The following CSN2 variants were observed in gnomAD, a reference collection of about 807,000 sequenced individuals.
CSN2 encodes the protein beta-casein.
CSN2 carries 27 observed loss-of-function variants against 27.3 expected under a neutral mutation model. The observed-to-expected ratio is 0.99, with a 90% confidence interval of 0.73 to 1.36. The LOEUF (loss-of-function observed/expected upper bound fraction) is 1.36, where lower values mean the gene tolerates loss of function less well. CSN2 is among the 40% of genes most tolerant of loss of function. CSN2 has a pLI of 0.00. For missense variants in CSN2, 333 were observed against 264.5 expected (o/e 1.26, Z -1.80); for synonymous variants, 131 against 94.8 (o/e 1.38, Z -2.22).
intron 3 of CSN2, 144 bp downstream of exon 3, chr4:69,959,909 G>A: frequency 1.7e-6 from 1 of 599,484 alleles, no homozygotes; most frequent in Non-Finnish European, 2.9e-6. Flanking sequence ...GATACTTATT[G>A]TCCTTAAACA....
chr4:69,956,249 A>T, intron 7 of CSN2, 65 bp downstream of exon 7: 1 of 1,136,108 alleles, frequency 8.8e-7, no homozygotes, highest in Non-Finnish European at 1.2e-6. Context: ...CTCTAGGAGA[A>T]TTAAATGTAA....
At chr4:69,961,383 C>T (rs2109746501) in intron 1 of CSN2, among the ~76,000 whole-genome samples, 2 of 152,204 alleles carry the variant, frequency 1.3e-5, no homozygotes, top group South Asian at 4.1e-4. Flanking sequence ...GCTTATCCAC[C>T]ATGATCAAGT....
At chr4:69,960,494 A>G (rs1310060651) in intron 2 of CSN2, among the ~76,000 whole-genome samples, 1 of 151,084 alleles carries the variant, frequency 6.6e-6, no homozygotes, top group Non-Finnish European at 1.5e-5. Flanking sequence ...TTATTAATAT[A>G]TTTATGATCA....
chr4:69,965,408 CTATATATATATATATATATA>C (rs756206077), intron 1 of CSN2, among the ~76,000 whole-genome samples: 48 of 88,104 alleles, frequency 5.4e-4, no homozygotes, highest in Non-Finnish European at 7.5e-4. Flanking sequence ...TAGCCTCATA[CTATATATATATATATATATA>C]TATATATATA....
intron 1 of CSN2, among the ~76,000 whole-genome samples, chr4:69,963,731 TATA>T (rs1723694693): frequency 6.6e-6 from 1 of 152,036 alleles, no homozygotes; most frequent in Non-Finnish European, 1.5e-5. Context: ...AAACTTAAAG[TATA>T]ATAATAATAA....
rs2109743686 is a variant in CSN2 at position 69,959,054 on chromosome 4, A to G, written c.94T>C (p.Tyr32His). 7.1e-7 allele frequency: 1 copy of G among 1,404,584 alleles called. No individual in the cohort carries two copies. Among genetic ancestry groups the G allele is most frequent in the African/African-American group, 1.4e-5 (1 of 69,166 alleles). 87.0% of individuals were successfully genotyped at this position (1,404,584 alleles called of 1,614,324 possible). ...LSSSEESITE[Y>H]KQKVEKVKHE... The stretch of plus-strand genomic sequence containing the variant: ...TTTTAAATGTGAAAATTTACCTTGT[A>G]TTCTGTAATAGATTCCTACAGAAAA... Residue 32 changes from tyrosine to histidine, a missense_variant, in exon 4 of 8, where the codon TAC becomes CAC. Physicochemically the swap from Tyr to His is moderately conservative, Grantham distance 83. Coordinates refer to ENST00000353151, the MANE Select transcript of CSN2 (RefSeq NM_001891.4).
chr4:69,963,634 T>C (rs1268095506), intron 1 of CSN2, among the ~76,000 whole-genome samples: 1 of 151,918 alleles, frequency 6.6e-6, no homozygotes, highest in Non-Finnish European at 1.5e-5. Flanking sequence ...ATACCTAATG[T>C]TAAATGACGT....
At chr4:69,962,875 C>A (rs186123891) in intron 1 of CSN2, among the ~76,000 whole-genome samples, 12,555 of 151,692 alleles carry the variant, frequency 0.083, 709 homozygotes, top group East Asian at 0.16. Context: ...CAATGAACTC[C>A]AACAAATTTA....
At chr4:69,964,297 T>C (rs1292466884) in intron 1 of CSN2, among the ~76,000 whole-genome samples, 3 of 152,152 alleles carry the variant, frequency 2.0e-5, no homozygotes, top group Non-Finnish European at 2.9e-5. Flanking sequence ...GTGAAATATA[T>C]GTTAATATTT....
At chr4:69,958,695 G>A (rs1578143901) in intron 5 of CSN2, among the ~76,000 whole-genome samples, 1 of 151,940 alleles carries the variant, frequency 6.6e-6, no homozygotes, top group Admixed American at 6.6e-5. Flanking sequence ...TATGTATTTA[G>A]TCTGTATTCT....
chr4:69,956,544 A>T (rs1361049906), intron 6 of CSN2, among the ~76,000 whole-genome samples, 189 bp from the exon 7 acceptor site: 1 of 152,086 alleles, frequency 6.6e-6, no homozygotes, highest in African/African-American at 2.4e-5. Flanking sequence ...CCTCTTAGTA[A>T]GAAAACTTGC....
chr4:69,956,960 A>G (rs1289316115), intron 6 of CSN2, among the ~76,000 whole-genome samples: 3 of 152,108 alleles, frequency 2.0e-5, no homozygotes, highest in Non-Finnish European at 1.5e-5. Flanking sequence ...CTATGAGAAC[A>G]CATGGACACA....
intron 2 of CSN2, among the ~76,000 whole-genome samples, chr4:69,960,410 T>C (rs1222476392): frequency 6.6e-6 from 1 of 151,174 alleles, no homozygotes; most frequent in Non-Finnish European, 1.5e-5. Flanking sequence ...TTATCTTACA[T>C]TTATTAAAGA....
chr4:69,958,177 A>G (rs1436703009), intron 5 of CSN2, among the ~76,000 whole-genome samples: 1 of 152,144 alleles, frequency 6.6e-6, no homozygotes, highest in East Asian at 1.9e-4. Flanking sequence ...TTGTTTTCAT[A>G]CAGTGAAAAG....
rs531533338 is a variant in CSN2 at position 69,961,839 on chromosome 4, G to A, written c.-12-832C>T. 8.5e-5 allele frequency among the ~76,000 whole-genome samples: 13 copies of A among 152,274 alleles called. No individual in the cohort carries two copies. In the South Asian group the frequency reaches 2.3e-3, roughly 27 times the overall value. ...GACTGTGTATCTAGAAAACCCCATC[G>A]TCTCAGCCCAAAGTCTCCTTAAGCT... On this transcript the variant is annotated intron_variant, in intron 1 of 7. Transcript: ENST00000353151.
In CSN2 at chr4:69,957,396, G is replaced by T. The variant is rs1336600462; in HGVS notation, c.553C>A (p.Pro185Thr). ...ACAGGCACAGCTCTCTGAGGGTAGG[G>T]CACCACTTGCTGGGGGATAGGCAGG... ...KVLPIPQQVV[P>T]YPQRAVPVQA... Residue 185 changes from proline to threonine, a missense_variant, in exon 6 of 8, where the codon CCC becomes ACC. By Grantham distance (38) the Pro-to-Thr change is conservative. Coordinates refer to ENST00000353151, the MANE Select transcript of CSN2 (RefSeq NM_001891.4). 1.9e-6 allele frequency: 3 copies of T among 1,613,602 alleles called. No homozygotes were observed. The highest frequency in any genetic ancestry group is 2.5e-6 in the Non-Finnish European group (3 of 1,179,880).
Position 69,963,089 on chromosome 4 carries a change from G to A in CSN2, c.-12-2082C>T, listed in dbSNP as rs1465446404. On this transcript the variant is annotated intron_variant, in intron 1 of 7. Coordinates refer to ENST00000353151, the MANE Select transcript of CSN2 (RefSeq NM_001891.4). ...ATCATTAAAAAGTCAGGAAACAACA[G>A]GTGCTGGAGAGGATGTGGAGAAATA... is the stretch of plus-strand genomic sequence containing the variant. 4.0e-5 allele frequency among the ~76,000 whole-genome samples: 6 copies of A among 151,830 alleles called. No individual in the cohort carries two copies. The South Asian group carries it at 8.3e-4, about 21-fold the overall frequency.
intron 6 of CSN2, among the ~76,000 whole-genome samples, chr4:69,957,042 T>C (rs1364450801): frequency 1.3e-5 from 2 of 152,002 alleles, no homozygotes; most frequent in African/African-American, 4.8e-5. Flanking sequence ...TTAGGAGATA[T>C]ACCTAATGTT....
intron 1 of CSN2, among the ~76,000 whole-genome samples, chr4:69,965,166 T>C (rs2109750974): frequency 6.6e-6 from 1 of 151,440 alleles, no homozygotes; most frequent in African/African-American, 2.4e-5. Context: ...TAAACTCTTC[T>C]AAAAACATTG....
Sources: allele counts gnomAD v4.1 joint callset (sites outside exome capture counted in the v4.1 genomes callset), GRCh38; gene constraint gnomAD v4.1.1; transcripts MANE v1.5; gene names NCBI Gene and HGNC (gene_info 2026-07-23, HGNC 2026-07-21).